NIPAL2: variants seen among roughly 807,000 people sequenced by gnomAD.
NIPAL2 encodes NIPA-like protein 2.
In NIPAL2, 43 loss-of-function variants were observed where a neutral mutation model predicts 48.9. The ratio of observed to expected loss-of-function variants is 0.88; its 90% CI spans 0.69 to 1.13. The LOEUF (loss-of-function observed/expected upper bound fraction) is 1.13. Ranked by LOEUF, NIPAL2 falls within the 50% of genes most tolerant of loss-of-function variation. The pLI, the probability that NIPAL2 is intolerant of heterozygous loss-of-function variation, is 0.00. For synonymous variants in NIPAL2, 167 were observed against 174.6 expected (o/e 0.96, Z 0.34); for missense variants, 446 against 461.4 (o/e 0.97, Z 0.31).
At chr8:98,281,600 C>T (rs1013973051) in intron 1 of NIPAL2, among the ~76,000 whole-genome samples, 6 of 152,060 alleles carry the variant, frequency 3.9e-5, no homozygotes, top group East Asian at 3.9e-4. Context: ...CTCATGTACC[C>T]CATAAATATG....
chr8:98,236,154 C>A lies in NIPAL2; in HGVS notation c.436+1G>T. ...ATTACATGAATTAAATAATTACTTA[C>A]CGAGTAAGTCTGAGGCTCTCAAATT... On this transcript the variant is annotated splice_donor_variant, in intron 4 of 10. Transcript: ENST00000430223. LOFTEE classifies it high-confidence loss of function. The A allele has an allele frequency of 6.4e-7, 1 of 1,574,264 alleles. No individual in the cohort carries two copies. Among genetic ancestry groups the A allele is most frequent in the African/African-American group, 1.4e-5 (1 of 73,658 alleles).
intron 3 of NIPAL2, among the ~76,000 whole-genome samples, chr8:98,245,902 C>G (rs923847798): frequency 6.6e-6 from 1 of 152,176 alleles, no homozygotes; most frequent in Non-Finnish European, 1.5e-5. Context: ...GATAACTCAT[C>G]AAGCCACTAA....
At chr8:98,292,536 A>C (rs556198399) in intron 1 of NIPAL2, among the ~76,000 whole-genome samples, 1 of 152,290 alleles carries the variant, frequency 6.6e-6, no homozygotes, top group East Asian at 1.9e-4. Flanking sequence ...CACACTGTCA[A>C]AGGCAAATTA....
intron 8 of NIPAL2, among the ~76,000 whole-genome samples, chr8:98,202,755 C>A (rs539123287): frequency 6.6e-6 from 1 of 152,306 alleles, no homozygotes; most frequent in South Asian, 2.1e-4. Context: ...TATAGCAACA[C>A]AAAATGGACT....
intron 1 of NIPAL2, among the ~76,000 whole-genome samples, chr8:98,258,732 A>G (rs1013687903): frequency 2.0e-5 from 3 of 152,148 alleles, no homozygotes; most frequent in Admixed American, 1.3e-4. Context: ...TCTGTAACCA[A>G]TTCAGCTATT....
chr8:98,235,794 T>C (rs983347386), intron 4 of NIPAL2, among the ~76,000 whole-genome samples: 1 of 151,736 alleles, frequency 6.6e-6, no homozygotes, highest in Non-Finnish European at 1.5e-5. Flanking sequence ...TGTATTTTAA[T>C]GGGTTATTAT....
At chr8:98,236,457 A>G (rs757343749) in intron 3 of NIPAL2, among the ~76,000 whole-genome samples, 6 of 152,218 alleles carry the variant, frequency 3.9e-5, no homozygotes, top group Non-Finnish European at 8.8e-5. Context: ...AAGGCTTAAT[A>G]AAAGTTTGCT....
intron 1 of NIPAL2, among the ~76,000 whole-genome samples, chr8:98,279,440 C>T (rs570757635): frequency 6.6e-6 from 1 of 152,308 alleles, no homozygotes; most frequent in African/African-American, 2.4e-5. Flanking sequence ...AGCACATTAT[C>T]TCTTTTTCTA....
In NIPAL2 at chr8:98,205,243, G is replaced by A. The variant is rs1810974661; in HGVS notation, c.659C>T (p.Ser220Leu). Residue 220 changes from serine (S) to leucine (L), a missense_variant, in exon 7 of 11, where the codon TCA (serine) becomes TTA (leucine). Transcript: ENST00000430223. ...GGCCTTTACTGAAATAACAGTCAAT[G>A]AGGCTGAAAAAGAAAACAAAAAACA... ...ILLTLVAILASLTVISVKAVS... is the reference protein window; with the variant it reads ...ILLTLVAILALLTVISVKAVS... The A allele has an allele frequency of 1.9e-6, 3 of 1,604,058 alleles. No homozygotes were observed. Among genetic ancestry groups the A allele is most frequent in the Non-Finnish European group, 1.7e-6 (2 of 1,177,524 alleles).
In NIPAL2 at chr8:98,252,586, A is replaced by G; in HGVS notation, c.253T>C (p.Phe85Leu). The change falls in exon 3 of 11, where the codon TTC (phenylalanine) becomes CTC (leucine). Residue 85 changes from phenylalanine (F) to leucine (L), a missense_variant. By Grantham distance (22) the Phe-to-Leu change is conservative (BLOSUM62 0). Transcript: ENST00000430223. Reference sequence around the variant, plus strand: ...CCACCCCACCACAGCACACTCTTGAAGTATGGCCTTGGGTGCTCTTGTTGT... The same window carrying G: ...CCACCCCACCACAGCACACTCTTGAGGTATGGCCTTGGGTGCTCTTGTTGT... ...LAQQEHPRPYFKSVLWWGGVL... is the reference protein window; with the variant it reads ...LAQQEHPRPYLKSVLWWGGVL... 2 of 1,614,000 alleles carry G rather than the reference A, an allele frequency of 1.2e-6. No homozygotes were observed. The highest frequency in any genetic ancestry group is 1.7e-6 in the Non-Finnish European group (2 of 1,180,010).
chr8:98,258,782 T>C (rs1032215840), intron 1 of NIPAL2, among the ~76,000 whole-genome samples: 180 of 151,980 alleles, frequency 1.2e-3, no homozygotes, highest in African/African-American at 4.2e-3. Flanking sequence ...CACTTCCCTT[T>C]TTTTTTTGTC....
At chr8:98,257,335 TTTTCTTTC>T (rs1323974809) in intron 1 of NIPAL2, among the ~76,000 whole-genome samples, 1 of 141,374 alleles carries the variant, frequency 7.1e-6, no homozygotes, top group Non-Finnish European at 1.6e-5. Flanking sequence ...CTATATATTT[TTTTCTTTC>T]TTTCTTTTTT....
chr8:98,192,357 G>A lies in NIPAL2; in HGVS notation c.*621C>T, dbSNP rs562884605. On this transcript the variant is annotated 3_prime_UTR_variant, in exon 11 of 11. Transcript: ENST00000430223. ...TTCCTTACACGTAAAAAGCCCACCA[G>A]TCAAGGTCTTTTAATTTTGGTGTAC... 6.6e-6 allele frequency: 1 copy of A among 152,380 alleles called. No individual in the cohort carries two copies. The highest frequency in any genetic ancestry group is 2.1e-4 in the South Asian group (1 of 4,818). The allele number at this position is 152,380 out of a possible 1,614,324, so 9.4% of individuals were successfully genotyped here. A position where few individuals can be genotyped will look rare whatever the true frequency, so the allele number is the denominator to read the frequency against.
intron 1 of NIPAL2, among the ~76,000 whole-genome samples, chr8:98,274,745 A>C (rs1045003850): frequency 6.6e-6 from 1 of 152,090 alleles, no homozygotes; most frequent in Non-Finnish European, 1.5e-5. Context: ...TGGGAAACTT[A>C]GTCCATTTAC....
chr8:98,222,993 C>A (rs546013603), intron 4 of NIPAL2, among the ~76,000 whole-genome samples: 1 of 152,154 alleles, frequency 6.6e-6, no homozygotes, highest in Non-Finnish European at 1.5e-5. Flanking sequence ...CTAGATCTGT[C>A]TAGATCTAGA....
At chr8:98,260,055 G>A (rs924433244) in intron 1 of NIPAL2, among the ~76,000 whole-genome samples, 1 of 152,192 alleles carries the variant, frequency 6.6e-6, no homozygotes, top group East Asian at 1.9e-4. Context: ...GGATACTGTG[G>A]ATCACTTACA....
chr8:98,223,366 C>T (rs550476738), intron 4 of NIPAL2, among the ~76,000 whole-genome samples: 3 of 151,948 alleles, frequency 2.0e-5, no homozygotes, highest in East Asian at 3.9e-4. Context: ...GTGAGGCCAC[C>T]GAAGAAGGGG....
chr8:98,209,847 T>A (rs1332782147), intron 6 of NIPAL2, among the ~76,000 whole-genome samples: 2 of 152,198 alleles, frequency 1.3e-5, no homozygotes, highest in Non-Finnish European at 2.9e-5. Context: ...AGCATCAGAA[T>A]AATCTATTCC....
At position 98,212,569 on chromosome 8, in the gene NIPAL2, A is replaced by G. The variant is rs1008703380; in HGVS notation, c.559-68T>C. ...AAGTCTTCAAAATGTCACACTTCTCATTTTGATTTTGCAGCAATTCTCATA... is the reference window on the plus strand; with the variant it reads ...AAGTCTTCAAAATGTCACACTTCTCGTTTTGATTTTGCAGCAATTCTCATA... On this transcript the variant is annotated intron_variant, in intron 5 of 10. Coordinates refer to ENST00000430223, the MANE Select transcript of NIPAL2 (RefSeq NM_001321635.2). The G allele has an allele frequency of 3.7e-5, 30 of 804,484 alleles. No individual in the cohort carries two copies. The Admixed American group carries it at 5.9e-4, about 16-fold the overall frequency. 49.8% of individuals were successfully genotyped at this position (804,484 alleles called of 1,614,324 possible). A position where few individuals can be genotyped will look rare whatever the true frequency, so the allele number is the denominator to read the frequency against.
Sources: allele counts gnomAD v4.1 joint callset (sites outside exome capture counted in the v4.1 genomes callset), GRCh38; gene constraint gnomAD v4.1.1; transcripts MANE v1.5; gene names NCBI Gene and HGNC (gene_info 2026-07-23, HGNC 2026-07-21).